The following WDR44 variants were observed in gnomAD, a reference collection of about 807,000 sequenced individuals.
The protein encoded by WDR44 is WD repeat-containing protein 44.
A neutral mutation model predicts 65.7 loss-of-function variants in WDR44; 9 were observed. The observed-to-expected ratio is 0.14, with a 90% CI of 0.08 to 0.24. The LOEUF (loss-of-function observed/expected upper bound fraction) is 0.24, where lower values mean the gene tolerates loss of function less well. Ranked by LOEUF, WDR44 falls within the 10% of genes least tolerant of loss-of-function variation. The probability of loss-of-function intolerance (pLI) is 1.00; values close to 1 mark genes in which losing one functional copy is unlikely to be tolerated. For missense variants in WDR44, 425 were observed against 670.9 expected, an observed-to-expected ratio of 0.63 and a Z score of 4.05; for synonymous variants, 220 against 235.2, an observed-to-expected ratio of 0.94 and a Z score of 0.59.
intron 12 of WDR44, among the ~76,000 whole-genome samples, chrX:118,412,396 G>A (rs1306165426): frequency 2.7e-5 from 3 of 111,655 alleles, no homozygotes; most frequent in Non-Finnish European, 5.6e-5. Flanking sequence ...ACCATGTTCA[G>A]ATTTTTGTTT....
At chrX:118,371,056 G>C (rs1190279535) in intron 1 of WDR44, among the ~76,000 whole-genome samples, 1 of 111,623 alleles carries the variant, frequency 9.0e-6, no homozygotes, top group Non-Finnish European at 1.9e-5. Context: ...CAGAGGACCT[G>C]AACAGACATT....
chrX:118,429,683 ATTTG>A (rs1467572688), intron 12 of WDR44, among the ~76,000 whole-genome samples: 11 of 110,278 alleles, frequency 1.0e-4, no homozygotes, highest in Admixed American at 2.9e-4. Context: ...GGTTTTATTT[ATTTG>A]TTTGTTTTTG....
intron 1 of WDR44, among the ~76,000 whole-genome samples, chrX:118,376,741 C>T (rs147803366): frequency 0.11 from 11,783 of 110,753 alleles, 638 homozygotes; most frequent in Admixed American, 0.25. Flanking sequence ...CGGTGGCTCC[C>T]TCCTGTAATC....
Position 118,392,641 on chromosome X carries a change from A to G in WDR44, c.196A>G (p.Ser66Gly). 1 of 1,184,971 alleles carries G rather than the reference A, an allele frequency of 8.4e-7. No homozygotes were observed. The highest frequency in any genetic ancestry group is 1.1e-6 in the Non-Finnish European group (1 of 881,931). The part of the protein sequence containing the change: ...KQDVSKKIIE[S>G]IIEESQKVLQ... Reference sequence around the variant, plus strand: ...TTAACCCTTTCATCAGATTATTGAAAGTATTATTGAGGAGAGTCAGAAAGT... The same window carrying G: ...TTAACCCTTTCATCAGATTATTGAAGGTATTATTGAGGAGAGTCAGAAAGT... Residue 66 changes from serine to glycine, a missense_variant, in exon 4 of 20, where the codon AGT becomes GGT. Around this residue, in one of 5 missense-constraint regions of WDR44, gnomAD observed 193 missense variants for 209.0 expected, o/e 0.92. Transcript: ENST00000254029.
At chrX:118,408,010 A>G (rs1223139287) in intron 10 of WDR44, among the ~76,000 whole-genome samples, 2 of 112,190 alleles carry the variant, frequency 1.8e-5, no homozygotes, top group African/African-American at 3.2e-5. Flanking sequence ...AGTTGATTTT[A>G]GTATTTTCCT....
intron 19 of WDR44, 88 bp from the exon 20 acceptor site, chrX:118,448,805 C>G (rs34131067): frequency 0.15 from 79,014 of 539,513 alleles, 5,039 homozygotes; most frequent in Admixed American, 0.34. Flanking sequence ...TCCCCTGAAG[C>G]TGGAGGGTCA....
chrX:118,353,801 C>T (rs1316201779), intron 1 of WDR44, among the ~76,000 whole-genome samples: 2 of 112,024 alleles, frequency 1.8e-5, no homozygotes, highest in Admixed American at 9.5e-5. Context: ...CACAAACTAG[C>T]TAAAATGACT....
rs565945781 is a variant in WDR44 at position 118,419,338 on chromosome X, G to A, written c.1737+8379G>A. Among the ~76,000 whole-genome samples, 86 of 111,896 alleles carry A rather than the reference G, an allele frequency of 7.7e-4. 1 individual carries two copies. The highest frequency in any genetic ancestry group is 2.7e-3 in the African/African-American group (84 of 30,822). ...GGAATGGCCTGCTTGAAGACCCAGC[G>A]AGCTCCCAAGGCTTTCCTGCTGCTT... On this transcript the variant is annotated intron_variant, in intron 12 of 19. Transcript: ENST00000254029.
At chrX:118,361,587 A>G (rs2683000) in intron 1 of WDR44, among the ~76,000 whole-genome samples, 28,918 of 109,843 alleles carry the variant, frequency 0.26, 3,154 homozygotes, top group African/African-American at 0.39. Flanking sequence ...TCTCAAAAAA[A>G]TTAAAAAATT....
intron 8 of WDR44, among the ~76,000 whole-genome samples, chrX:118,399,167 C>T (rs2056891428): frequency 8.9e-6 from 1 of 112,082 alleles, no homozygotes; most frequent in Admixed American, 9.5e-5. Context: ...TTTGGGAATA[C>T]CTGTAGTCTA....
intron 12 of WDR44, among the ~76,000 whole-genome samples, chrX:118,421,494 A>G (rs2057104621): frequency 8.9e-6 from 1 of 112,206 alleles, no homozygotes; most frequent in Non-Finnish European, 1.9e-5. Context: ...ACCAGAAATT[A>G]TCTTCTAACC....
Position 118,448,948 on chromosome X carries a change from A to C in WDR44, c.2703A>C (p.Ala901=). The part of the protein sequence containing the change: ...EVLLSADFTG[A]IKVFVNKRKN... ...TTCTCTCTGCTGACTTCACTGGAGC[A>C]ATCAAAGTGTTTGTTAATAAAAGAA... The change falls in exon 20 of 20, where the codon GCA becomes GCC. Residue 901 remains alanine (A), a synonymous_variant. Transcript: ENST00000254029. 8.3e-7 allele frequency: 1 copy of C among 1,199,584 alleles called. No individual in the cohort carries two copies. The highest frequency in any genetic ancestry group is 1.1e-6 in the Non-Finnish European group (1 of 888,621).
At chrX:118,436,317 T>C (rs1475872911) in intron 13 of WDR44, among the ~76,000 whole-genome samples, 1 of 112,231 alleles carries the variant, frequency 8.9e-6, no homozygotes, top group Admixed American at 9.5e-5. Flanking sequence ...ACCAGTGTTA[T>C]CAATGTGAAA....
At chrX:118,359,138 A>G (rs2147665279) in intron 1 of WDR44, among the ~76,000 whole-genome samples, 1 of 112,514 alleles carries the variant, frequency 8.9e-6, no homozygotes, top group South Asian at 3.6e-4. Flanking sequence ...CCTGTAGCCC[A>G]ACATCTTGTT....
At chrX:118,350,052 C>T (rs2056391305) in intron 1 of WDR44, among the ~76,000 whole-genome samples, 1 of 110,551 alleles carries the variant, frequency 9.0e-6, no homozygotes, top group African/African-American at 3.3e-5. Flanking sequence ...GCTTTAGGAC[C>T]AAGTTGCTGA....
chrX:118,444,281 A>G lies in WDR44; in HGVS notation c.2513-79A>G, dbSNP rs1370235191. ...TACTTCTATGTTAGTTTTTAAGGAT[A>G]TTTGGCATATAACATACACTATCGT... is the stretch of plus-strand genomic sequence containing the variant. On this transcript the variant is annotated intron_variant, in intron 18 of 19. Transcript: ENST00000254029. 6 of 1,050,340 alleles carry G rather than the reference A, an allele frequency of 5.7e-6. No individual in the cohort carries two copies. The East Asian group carries it at 1.6e-4, about 27-fold the overall frequency. The allele number at this position is 1,050,340 out of a possible 1,213,427, so 86.6% of individuals were successfully genotyped here.
At chrX:118,361,279 C>T (rs976746696) in intron 1 of WDR44, among the ~76,000 whole-genome samples, 2 of 111,499 alleles carry the variant, frequency 1.8e-5, no homozygotes, top group Non-Finnish European at 3.8e-5. Flanking sequence ...CCTTCCTGTT[C>T]GCAGAAGGGT....
chrX:118,425,930 CTGGG>C (rs913082053), intron 12 of WDR44, among the ~76,000 whole-genome samples: 2 of 111,237 alleles, frequency 1.8e-5, no homozygotes, highest in Non-Finnish European at 3.8e-5. Context: ...AAAAAATTAG[CTGGG>C]TGTGGTGGCA....
intron 8 of WDR44, among the ~76,000 whole-genome samples, chrX:118,404,036 C>G (rs1388527166): frequency 8.9e-6 from 1 of 112,055 alleles, no homozygotes; most frequent in Non-Finnish European, 1.9e-5. Context: ...AGTACCTACA[C>G]TTTAAACACT....
Sources: gnomAD v4.1 joint callset for allele counts (sites outside exome capture counted in the v4.1 genomes callset) on GRCh38, gnomAD v4.1.1 for gene constraint, gnomAD v4.1.1 regional missense constraint, MANE v1.5 for transcripts, NCBI Gene and HGNC (gene_info 2026-07-23, HGNC 2026-07-21) for gene names.